The following SP7 variants were observed in gnomAD, a reference collection of about 807,000 sequenced individuals.
The protein encoded by SP7 is transcription factor Sp7.
A neutral mutation model predicts 27.9 loss-of-function variants in SP7; 13 were observed. The ratio of observed to expected loss-of-function variants is 0.47; its 90% CI spans 0.30 to 0.74. SP7 has a LOEUF of 0.74. SP7 is among the 30% of genes least tolerant of loss of function. SP7 has a pLI of 0.06. For missense variants in SP7, 525 were observed against 558.0 expected (o/e 0.94, Z 0.60); for synonymous variants, 219 against 226.7 (o/e 0.97, Z 0.31).
chr12:53,338,995 A>G (rs1219235787), upstream of SP7, among the ~76,000 whole-genome samples: 1 of 152,048 alleles, frequency 6.6e-6, no homozygotes, highest in Non-Finnish European at 1.5e-5. Context: ...AGCCCTAACC[A>G]AGGACCTACC....
chr12:53,341,568 A>G (rs1347543551), intron 1 of SP7, among the ~76,000 whole-genome samples: 4 of 152,210 alleles, frequency 2.6e-5, no homozygotes, highest in African/African-American at 9.6e-5. Context: ...TGTCTTTCAT[A>G]AGAAGAAGTT....
intron 2 of SP7, among the ~76,000 whole-genome samples, chr12:53,331,235 G>T (rs2136839442): frequency 6.6e-6 from 1 of 152,262 alleles, no homozygotes; most frequent in East Asian, 1.9e-4. Flanking sequence ...ACTTTGGGAA[G>T]CTAAGGTGGG....
chr12:53,341,321 T>G (rs1298861465), upstream of SP7, among the ~76,000 whole-genome samples: 1 of 151,996 alleles, frequency 6.6e-6, no homozygotes, highest in East Asian at 1.9e-4. Flanking sequence ...GAGAGGCAGA[T>G]CAGAATCAGA....
In SP7 at chr12:53,328,025, A is replaced by G; in HGVS notation, c.*121T>C. 2 of 1,042,480 alleles carry G rather than the reference A, an allele frequency of 1.9e-6. No homozygotes were observed. The highest frequency in any genetic ancestry group is 2.9e-5 in the Admixed American group (1 of 34,178). The allele number at this position is 1,042,480 out of a possible 1,614,324, so 64.6% of individuals were successfully genotyped here. A position where few individuals can be genotyped will look rare whatever the true frequency, so the allele number is the denominator to read the frequency against. On this transcript the variant is annotated 3_prime_UTR_variant, in exon 3 of 3. Transcript: ENST00000536324. This position sits in a 1 kb window ranked among gnomAD's most constrained non-coding sequence, Gnocchi z 5.1. Reference sequence around the variant, plus strand: ...AGCCCAGAATGGCCAGGAGGGAGACAGAGGGAGAGAGCCCCGAAGGATGGC... The same window carrying G: ...AGCCCAGAATGGCCAGGAGGGAGACGGAGGGAGAGAGCCCCGAAGGATGGC...
At chr12:53,336,762 G>T (rs554690070), upstream of SP7, among the ~76,000 whole-genome samples, 2 of 152,152 alleles carry the variant, frequency 1.3e-5, no homozygotes, top group South Asian at 2.1e-4. Context: ...GTGTGTGTGT[G>T]TGTGTATGTT....
At chr12:53,342,709 G>C (rs1944834586) in intron 1 of SP7, among the ~76,000 whole-genome samples, 1 of 152,102 alleles carries the variant, frequency 6.6e-6, no homozygotes, top group African/African-American at 2.4e-5. Context: ...CCAGCTACTT[G>C]GGAGGCTGAG....
chr12:53,338,113 G>A (rs574978396), upstream of SP7, among the ~76,000 whole-genome samples: 2 of 143,058 alleles, frequency 1.4e-5, no homozygotes, highest in African/African-American at 2.9e-5. Context: ...GTCCGGAGGA[G>A]GAGGAGGAGG....
chr12:53,327,222 A>G lies in SP7; in HGVS notation c.*924T>C, dbSNP rs1035894582. ...TCACAGCTTCTGGCTGGGGCTGGGG[A>G]TATTAGGGATCCCCCTAATCAAGAG... On this transcript the variant is annotated 3_prime_UTR_variant, in exon 3 of 3. Coordinates refer to ENST00000536324, the MANE Select transcript of SP7 (RefSeq NM_001173467.3). The G allele has an allele frequency of 2.0e-5, 3 of 152,606 alleles. No homozygotes were observed. Among genetic ancestry groups the G allele is most frequent in the African/African-American group, 7.2e-5 (3 of 41,426 alleles). 9.5% of individuals were successfully genotyped at this position (152,606 alleles called of 1,614,324 possible).
upstream of SP7, among the ~76,000 whole-genome samples, chr12:53,341,116 C>T (rs1944818591): frequency 6.6e-6 from 1 of 152,056 alleles, no homozygotes; most frequent in Admixed American, 6.6e-5. Context: ...AGTTCCTCAC[C>T]CCAACAAATA....
chr12:53,335,673 G>A lies in SP7; in HGVS notation c.-27C>T. ...CTGAGGCTGGGGAACGGGTCCCAAGGAGCCAGGCAGATGGAGAGAGCTGAG... is the reference window on the plus strand; with the variant it reads ...CTGAGGCTGGGGAACGGGTCCCAAGAAGCCAGGCAGATGGAGAGAGCTGAG... On this transcript the variant is annotated 5_prime_UTR_variant, in exon 2 of 3. Transcript: ENST00000536324. 1 of 1,408,038 alleles carries A rather than the reference G, an allele frequency of 7.1e-7. No homozygotes were observed. The highest frequency in any genetic ancestry group is 9.5e-7 in the Non-Finnish European group (1 of 1,051,930). The allele number at this position is 1,408,038 out of a possible 1,614,324, so 87.2% of individuals were successfully genotyped here.
Position 53,335,706 on chromosome 12 carries a change from G to GT in SP7, c.-47-14dup. On this transcript the variant is annotated splice_polypyrimidine_tract_variant and intron_variant, in intron 1 of 2. Coordinates refer to ENST00000536324, the MANE Select transcript of SP7 (RefSeq NM_001173467.3). ...CAGATGGAGAGAGCTGAGCCGGGGG[G>GT]TGGGGGGGGTAGAGAGAGAAAAGGG... 3 of 1,416,866 alleles carry GT rather than the reference G, an allele frequency of 2.1e-6. No individual in the cohort carries two copies. In the South Asian group the frequency reaches 3.8e-5, roughly 18 times the overall value. 87.8% of individuals were successfully genotyped at this position (1,416,866 alleles called of 1,614,324 possible). A position where few individuals can be genotyped will look rare whatever the true frequency, so the allele number is the denominator to read the frequency against.
rs1442931281 is a variant in SP7, at chr12:53,344,231, T to C, written c.-34+883A>G. Reference sequence around the variant, plus strand: ...GGCATTTTAGAGGTATCTATTCAGTTCTGAGAATGGCTCTTGACAGTTGCT... The same window carrying C: ...GGCATTTTAGAGGTATCTATTCAGTCCTGAGAATGGCTCTTGACAGTTGCT... On this transcript the variant is annotated intron_variant, in intron 1 of 1. Coordinates refer to the SP7 transcript ENST00000547755. This position sits in a 1 kb window ranked among gnomAD's most constrained non-coding sequence, Gnocchi z 4.6. 6.6e-6 allele frequency among the ~76,000 whole-genome samples: 1 copy of C among 152,032 alleles called. No homozygotes were observed. The highest frequency in any genetic ancestry group is 6.5e-5 in the Admixed American group (1 of 15,270).
intron 1 of SP7, among the ~76,000 whole-genome samples, chr12:53,342,810 G>A (rs1592539253): frequency 1.3e-5 from 2 of 150,968 alleles, no homozygotes; most frequent in Admixed American, 6.6e-5. Flanking sequence ...GAGAGACTCC[G>A]TCTCAAAAAA....
intron 2 of SP7, among the ~76,000 whole-genome samples, chr12:53,333,412 A>G (rs1053942983): frequency 6.6e-6 from 1 of 152,080 alleles, no homozygotes; most frequent in Non-Finnish European, 1.5e-5. Context: ...ACAAGATAGG[A>G]GCTGTCCCAA....
Position 53,328,629 on chromosome 12 carries a change from G to A in SP7, c.813C>T (p.Asp271=). Residue 271 remains aspartate, a synonymous_variant, in exon 3 of 3, where the codon GAC becomes GAT. Transcript: ENST00000536324. The surrounding 1 kb of genome is among the most constrained non-coding windows in gnomAD (Gnocchi z 5.1). Reference sequence around the variant, plus strand: ...GCTCTAGCTCCTGGCAATTAGGGCAGTCGCAGGAGGAGCGCCCTGCCCCAC... The same window carrying A: ...GCTCTAGCTCCTGGCAATTAGGGCAATCGCAGGAGGAGCGCCCTGCCCCAC... The part of the protein sequence containing the change: ...GGSGAGRSSC[D]CPNCQELERL... 6.2e-7 allele frequency: 1 copy of A among 1,610,216 alleles called. No individual in the cohort carries two copies. The highest frequency in any genetic ancestry group is 8.5e-7 in the Non-Finnish European group (1 of 1,177,166).
chr12:53,338,181 A>G (rs1195897946), upstream of SP7, among the ~76,000 whole-genome samples: 1 of 151,156 alleles, frequency 6.6e-6, no homozygotes, highest in Non-Finnish European at 1.5e-5. Flanking sequence ...AGGAGTATAA[A>G]TAGCACATAA....
intron 2 of SP7, among the ~76,000 whole-genome samples, chr12:53,334,272 C>T (rs965200275): frequency 2.6e-5 from 4 of 151,972 alleles, no homozygotes; most frequent in African/African-American, 9.7e-5. Flanking sequence ...TTCACTATCT[C>T]ACAGCCTTGT....
chr12:53,335,883 G>C, intron 1 of SP7, 190 bp from the exon 2 acceptor site: 1 of 1,280,320 alleles, frequency 7.8e-7, no homozygotes, highest in Non-Finnish European at 1.0e-6. Flanking sequence ...GGCGAGAGAG[G>C]GAGGCAGAGG....
chr12:53,343,061 T>C (rs2136855788), intron 1 of SP7, among the ~76,000 whole-genome samples: 1 of 150,590 alleles, frequency 6.6e-6, no homozygotes, highest in East Asian at 2.0e-4. Flanking sequence ...TTTGGGAGGC[T>C]GAGGTGGGTG....
Sources: allele counts gnomAD v4.1 joint callset (sites outside exome capture counted in the v4.1 genomes callset), GRCh38; gene constraint gnomAD v4.1.1; non-coding constraint Gnocchi (gnomAD v3.1); transcripts MANE v1.5; gene names NCBI Gene and HGNC (gene_info 2026-07-23, HGNC 2026-07-21).